Variants in CNTNAP2 observed in about 807,000 individuals in gnomAD.
The protein encoded by CNTNAP2 is contactin associated protein 2, also known as contactin-associated protein-like 2.
In CNTNAP2, 98 loss-of-function variants were observed where a neutral mutation model predicts 155.2. The ratio of observed to expected loss-of-function variants is 0.63; its 90% CI spans 0.54 to 0.75. The LOEUF is 0.75. Among genes scored for constraint, CNTNAP2 ranks in the 30% least tolerant of loss-of-function variants. CNTNAP2 has a pLI of 0.00. For synonymous variants in CNTNAP2, 651 were observed against 631.2 expected (o/e 1.03, Z -0.47); for missense variants, 1,727 against 1,688.1 (o/e 1.02, Z -0.40).
At chr7:147,057,610 C>T (rs1183602428) in intron 4 of CNTNAP2, among the ~76,000 whole-genome samples, 1 of 152,122 alleles carries the variant, frequency 6.6e-6, no homozygotes, top group Admixed American at 6.5e-5. Flanking sequence ...CCATTCAATA[C>T]TAGAAGTGCA....
At chr7:146,480,840 G>A (rs1021998179) in intron 1 of CNTNAP2, among the ~76,000 whole-genome samples, 1 of 151,204 alleles carries the variant, frequency 6.6e-6, no homozygotes. Flanking sequence ...CCATCACCGC[G>A]CCCGGCTAAT....
At chr7:146,405,110 G>A (rs980576879) in intron 1 of CNTNAP2, among the ~76,000 whole-genome samples, 4 of 152,138 alleles carry the variant, frequency 2.6e-5, no homozygotes, top group African/African-American at 9.7e-5. Flanking sequence ...CCCATCTGGT[G>A]CACGAAGCTG....
At chr7:147,892,815 T>C (rs1012136872) in intron 13 of CNTNAP2, among the ~76,000 whole-genome samples, 1 of 152,208 alleles carries the variant, frequency 6.6e-6, no homozygotes, top group African/African-American at 2.4e-5. Flanking sequence ...CATTTCTAAA[T>C]TTGGTCCCTA....
intron 13 of CNTNAP2, among the ~76,000 whole-genome samples, chr7:147,659,617 G>A (rs535614320): frequency 1.3e-5 from 2 of 152,168 alleles, no homozygotes; most frequent in Admixed American, 6.5e-5. Context: ...AGATAAGAGA[G>A]AAGAAATACA....
Position 148,274,425 on chromosome 7 carries a change from G to T in CNTNAP2, c.3475+7299G>T, listed in dbSNP as rs149961500. Among the ~76,000 whole-genome samples the T allele has an allele frequency of 2.6e-4, 40 of 152,316 alleles. No homozygotes were observed. In the East Asian group the frequency reaches 6.0e-3, roughly 23 times the overall value. On this transcript the variant is annotated intron_variant, in intron 21 of 23. Transcript: ENST00000361727. Reference sequence around the variant, plus strand: ...ATATTTGTCCCCACCAAAATCTCATGTTGAAATGTAATCCCCAGTGTTGGA... The same window carrying T: ...ATATTTGTCCCCACCAAAATCTCATTTTGAAATGTAATCCCCAGTGTTGGA...
intron 1 of CNTNAP2, among the ~76,000 whole-genome samples, chr7:146,540,110 T>G (rs1419255750): frequency 6.6e-6 from 1 of 152,044 alleles, no homozygotes; most frequent in Admixed American, 6.6e-5. Context: ...GTGAGCACAG[T>G]GTGGCAAGAG....
At chr7:147,157,509 T>C (rs903362107) in intron 8 of CNTNAP2, among the ~76,000 whole-genome samples, 1 of 152,164 alleles carries the variant, frequency 6.6e-6, no homozygotes, top group African/African-American at 2.4e-5. Flanking sequence ...GTTGAGGTGC[T>C]TCCTCAAAGA....
intron 1 of CNTNAP2, among the ~76,000 whole-genome samples, chr7:146,512,400 C>T (rs1341454010): frequency 6.6e-6 from 1 of 151,620 alleles, no homozygotes; most frequent in African/African-American, 2.4e-5. Context: ...GAAGCTTTAC[C>T]ACTTTTTTTT....
intron 15 of CNTNAP2, among the ~76,000 whole-genome samples, chr7:148,113,540 G>A (rs531420527): frequency 3.9e-5 from 6 of 152,290 alleles, no homozygotes; most frequent in Middle Eastern, 3.4e-3. Flanking sequence ...ATCACTGGTC[G>A]GATTCAAGTA....
chr7:147,315,875 T>C (rs1267672900), intron 9 of CNTNAP2, among the ~76,000 whole-genome samples: 1 of 152,126 alleles, frequency 6.6e-6, no homozygotes, highest in African/African-American at 2.4e-5. Flanking sequence ...TATTCAACTG[T>C]AGTTTATTCA....
At chr7:146,819,489 T>G (rs537934329) in intron 2 of CNTNAP2, among the ~76,000 whole-genome samples, 1 of 152,276 alleles carries the variant, frequency 6.6e-6, no homozygotes, top group Admixed American at 6.5e-5. Flanking sequence ...ATTCCTTTTC[T>G]TTTTCCTCTA....
chr7:147,868,881 G>A (rs1799278889), intron 13 of CNTNAP2, among the ~76,000 whole-genome samples: 1 of 152,216 alleles, frequency 6.6e-6, no homozygotes, highest in African/African-American at 2.4e-5. Context: ...GTCTGTCACG[G>A]CTTCCCTTGG....
At chr7:146,500,026 T>G (rs1214433491) in intron 1 of CNTNAP2, among the ~76,000 whole-genome samples, 1 of 152,190 alleles carries the variant, frequency 6.6e-6, no homozygotes, top group East Asian at 1.9e-4. Flanking sequence ...AGATTGTTTA[T>G]TGCTAGTGTT....
intron 3 of CNTNAP2, among the ~76,000 whole-genome samples, chr7:146,944,957 G>T (rs1797132331): frequency 6.6e-6 from 1 of 151,824 alleles, no homozygotes. Context: ...AGGTGGTGGG[G>T]TTATGAATGA....
chr7:146,412,894 T>A (rs1795886459), intron 1 of CNTNAP2, among the ~76,000 whole-genome samples: 1 of 152,184 alleles, frequency 6.6e-6, no homozygotes, highest in African/African-American at 2.4e-5. Flanking sequence ...TGCTTCCCTT[T>A]TATCTGTGCC....
intron 21 of CNTNAP2, among the ~76,000 whole-genome samples, chr7:148,330,642 G>A (rs1797977103): frequency 6.7e-6 from 1 of 149,920 alleles, no homozygotes. Context: ...CGGACGGAGT[G>A]GACGGATGGA....
intron 4 of CNTNAP2, among the ~76,000 whole-genome samples, chr7:147,078,866 C>T (rs1355935965): frequency 6.6e-6 from 1 of 151,996 alleles, no homozygotes; most frequent in Non-Finnish European, 1.5e-5. Flanking sequence ...TCTCCTACGT[C>T]AGTCTCCCGA....
intron 9 of CNTNAP2, among the ~76,000 whole-genome samples, chr7:147,358,061 C>T (rs1414780389): frequency 2.6e-5 from 4 of 152,056 alleles, no homozygotes; most frequent in Non-Finnish European, 5.9e-5. Flanking sequence ...ATACTAAAAA[C>T]TTTCTTATGA....
intron 4 of CNTNAP2, among the ~76,000 whole-genome samples, chr7:147,058,367 G>GAT (rs1799601768): frequency 6.6e-6 from 1 of 151,996 alleles, no homozygotes; most frequent in Admixed American, 6.6e-5. Context: ...TTCTATTATA[G>GAT]ATATAGTATG....
Sources: allele counts gnomAD v4.1 joint callset (sites outside exome capture counted in the v4.1 genomes callset), GRCh38; gene constraint gnomAD v4.1.1; transcripts MANE v1.5; gene names NCBI Gene and HGNC (gene_info 2026-07-23, HGNC 2026-07-21).